The following SPATS2 variants were observed in gnomAD, a reference collection of about 807,000 sequenced individuals.
SPATS2 encodes spermatogenesis associated serine rich 2, also known as spermatogenesis-associated serine-rich protein 2.
SPATS2 carries 38 observed loss-of-function variants against 63.7 expected under a neutral mutation model. The observed-to-expected ratio is 0.60, with a 90% CI of 0.46 to 0.78. SPATS2 has a LOEUF of 0.78. Ranked by LOEUF, SPATS2 falls within the 30% of genes least tolerant of loss-of-function variation. SPATS2 has a pLI of 0.00. For missense variants in SPATS2, 588 were observed against 666.2 expected (o/e 0.88, Z 1.29); for synonymous variants, 207 against 232.9 (o/e 0.89, Z 1.01).
intron 2 of SPATS2, among the ~76,000 whole-genome samples, chr12:49,430,411 T>C (rs1945165891): frequency 6.6e-6 from 1 of 152,090 alleles, no homozygotes; most frequent in African/African-American, 2.4e-5. Context: ...ATTTCATATT[T>C]CTTTATAAAG....
chr12:49,461,165 T>G (rs1314574371), intron 3 of SPATS2, 128 bp downstream of exon 3: 1 of 967,662 alleles, frequency 1.0e-6, no homozygotes, highest in African/African-American at 1.7e-5. Flanking sequence ...GGATATTAGA[T>G]TATCGCTTTG....
Position 49,500,340 on chromosome 12 carries a change from T to C in SPATS2, c.839+135T>C, listed in dbSNP as rs911669164. On this transcript the variant is annotated intron_variant, in intron 9 of 13. Coordinates refer to ENST00000552918, the MANE Select transcript of SPATS2 (RefSeq NM_023071.4). ...AGAGACTTATAAATCCTATGGTATATTTAGCTTTCTGCTTTGTTCTATTTC... is the reference window on the plus strand; with the variant it reads ...AGAGACTTATAAATCCTATGGTATACTTAGCTTTCTGCTTTGTTCTATTTC... 2.2e-5 allele frequency: 22 copies of C among 1,010,698 alleles called. No individual in the cohort carries two copies. In the African/African-American group the frequency reaches 3.7e-4, roughly 17 times the overall value. 62.6% of individuals were successfully genotyped at this position (1,010,698 alleles called of 1,614,324 possible). A position where few individuals can be genotyped will look rare whatever the true frequency, so the allele number is the denominator to read the frequency against.
chr12:49,428,883 G>A (rs1252500826), intron 2 of SPATS2, among the ~76,000 whole-genome samples: 1 of 152,140 alleles, frequency 6.6e-6, no homozygotes, highest in East Asian at 1.9e-4. Flanking sequence ...TTATATGTGT[G>A]TGTAAGGGGG....
At chr12:49,514,754 C>T (rs1946810889) in intron 10 of SPATS2, 141 bp downstream of exon 10, 1 of 632,902 alleles carries the variant, frequency 1.6e-6, no homozygotes, top group South Asian at 2.5e-5. Flanking sequence ...TTGCACTGTA[C>T]TGGCATATGA....
chr12:49,413,982 C>T (rs576344421), intron 2 of SPATS2, among the ~76,000 whole-genome samples: 1 of 152,286 alleles, frequency 6.6e-6, no homozygotes, highest in Admixed American at 6.5e-5. Context: ...AGCCCTACTG[C>T]CTAGGAATGA....
chr12:49,394,368 T>G (rs1944473091), intron 2 of SPATS2, among the ~76,000 whole-genome samples: 1 of 151,534 alleles, frequency 6.6e-6, no homozygotes, highest in African/African-American at 2.4e-5. Context: ...CAGAACTAGT[T>G]TGCTGGATTC....
intron 10 of SPATS2, among the ~76,000 whole-genome samples, chr12:49,518,441 G>A (rs988850370): frequency 1.3e-5 from 2 of 152,196 alleles, no homozygotes; most frequent in African/African-American, 2.4e-5. Context: ...CATCACTAGG[G>A]AACTCGGTAA....
At chr12:49,369,216 C>CG (rs1943957454) in intron 1 of SPATS2, among the ~76,000 whole-genome samples, 1 of 151,664 alleles carries the variant, frequency 6.6e-6, no homozygotes, top group Non-Finnish European at 1.5e-5. Context: ...TTAGTAGAGA[C>CG]GGGGGTTTCA....
chr12:49,389,454 T>C, intron 2 of SPATS2: 2 of 688,974 alleles, frequency 2.9e-6, no homozygotes, highest in Admixed American at 4.5e-5. Context: ...GGTAGAGGCT[T>C]TGAGTCCTCA....
chr12:49,375,617 A>C (rs1012758833), intron 2 of SPATS2, among the ~76,000 whole-genome samples: 1 of 152,204 alleles, frequency 6.6e-6, no homozygotes, highest in African/African-American at 2.4e-5. Context: ...ACATTTTTAT[A>C]GTAAATTGCT....
chr12:49,414,151 A>G (rs777805223), intron 2 of SPATS2, among the ~76,000 whole-genome samples: 48 of 152,188 alleles, frequency 3.2e-4, no homozygotes, highest in Admixed American at 8.5e-4. Flanking sequence ...TTTTAGTCCA[A>G]GATGACAGTG....
Position 49,460,887 on chromosome 12 carries a change from C to T in SPATS2, c.-126C>T, listed in dbSNP as rs4590957. The T allele has an allele frequency of 9.5e-6, 9 of 945,716 alleles. No individual in the cohort carries two copies. The highest frequency in any genetic ancestry group is 1.1e-5 in the Non-Finnish European group (7 of 616,486). The allele number at this position is 945,716 out of a possible 1,614,324, so 58.6% of individuals were successfully genotyped here. On this transcript the variant is annotated 5_prime_UTR_variant, in exon 3 of 14. Transcript: ENST00000552918. ...AGCAGAATTTCGAACAGCAGGATTTCGTATTTTTTGCTTCCAACTGCACAC... is the reference window on the plus strand; with the variant it reads ...AGCAGAATTTCGAACAGCAGGATTTTGTATTTTTTGCTTCCAACTGCACAC...
intron 2 of SPATS2, among the ~76,000 whole-genome samples, chr12:49,411,892 G>C (rs1210890438): frequency 6.6e-6 from 1 of 152,092 alleles, no homozygotes; most frequent in African/African-American, 2.4e-5. Context: ...TACAGAAGTT[G>C]GGCTTAACCA....
intron 9 of SPATS2, among the ~76,000 whole-genome samples, chr12:49,505,490 T>C (rs1306090068): frequency 6.6e-6 from 1 of 152,214 alleles, no homozygotes; most frequent in East Asian, 1.9e-4. Flanking sequence ...TTTTGGAATG[T>C]CTGCAGAAAC....
intron 3 of SPATS2, among the ~76,000 whole-genome samples, chr12:49,472,868 C>T (rs992511246): frequency 1.2e-4 from 18 of 150,220 alleles, no homozygotes; most frequent in Admixed American, 4.0e-4. Flanking sequence ...GGCTAAACCC[C>T]GTCTCTACAA....
In SPATS2 at chr12:49,404,305, GAGATA is replaced by G. The variant is rs370600132; in HGVS notation, c.-244+33020_-244+33024del. ...TTTTTTTTCATTTTTTTTTTTTTTA[GAGATA>G]AGATCTTGCTCTGTTGCCTAGACTG... On this transcript the variant is annotated intron_variant, in intron 2 of 13. Coordinates refer to ENST00000552918, the MANE Select transcript of SPATS2 (RefSeq NM_023071.4). 3.3e-3 allele frequency among the ~76,000 whole-genome samples: 442 copies of G among 135,676 alleles called. 3 individuals carry two copies. Among genetic ancestry groups the G allele is most frequent in the African/African-American group, 0.011 (414 of 37,150 alleles). 89.0% of individuals were successfully genotyped at this position (135,676 alleles called of 152,430 possible). A position where few individuals can be genotyped will look rare whatever the true frequency, so the allele number is the denominator to read the frequency against.
chr12:49,411,398 A>G (rs1397670467), intron 2 of SPATS2, among the ~76,000 whole-genome samples: 2 of 152,122 alleles, frequency 1.3e-5, no homozygotes, highest in Non-Finnish European at 2.9e-5. Context: ...TACTGAGACT[A>G]TGTGAAGAGA....
intron 2 of SPATS2, among the ~76,000 whole-genome samples, chr12:49,379,947 C>G (rs1343843232): frequency 2.0e-5 from 3 of 151,982 alleles, no homozygotes; most frequent in Non-Finnish European, 1.5e-5. Flanking sequence ...TTCATCACCC[C>G]CAAAGGAGAC....
intron 2 of SPATS2, among the ~76,000 whole-genome samples, chr12:49,387,475 A>C (rs1347858904): frequency 1.3e-5 from 2 of 151,714 alleles, no homozygotes; most frequent in Non-Finnish European, 2.9e-5. Flanking sequence ...CATCTCTACT[A>C]AAAATACAAA....
Sources: allele counts gnomAD v4.1 joint callset (sites outside exome capture counted in the v4.1 genomes callset), GRCh38; gene constraint gnomAD v4.1.1; transcripts MANE v1.5; gene names NCBI Gene and HGNC (gene_info 2026-07-23, HGNC 2026-07-21).